ERC2: variants seen among roughly 807,000 people sequenced by gnomAD.
The protein encoded by ERC2 is ERC protein 2.
Under a neutral mutation model 114.8 loss-of-function variants are expected in ERC2, and 42 were observed. The observed-to-expected ratio is 0.37, with a 90% CI of 0.29 to 0.47. The LOEUF is 0.47. Among genes scored for constraint, ERC2 ranks in the 20% least tolerant of loss-of-function variants. ERC2 has a pLI of 0.99. For synonymous variants in ERC2, 454 were observed against 425.5 expected (o/e 1.07, Z -0.82); for missense variants, 939 against 1,150.7 (o/e 0.82, Z 2.66).
At chr3:56,002,391 AC>A (rs2072143019) in intron 10 of ERC2, among the ~76,000 whole-genome samples, 1 of 152,184 alleles carries the variant, frequency 6.6e-6, no homozygotes, top group Admixed American at 6.6e-5. Flanking sequence ...AGTTCACTGA[AC>A]AAAAAAGCTT....
At chr3:56,082,091 G>T (rs1474157039) in intron 6 of ERC2, among the ~76,000 whole-genome samples, 1 of 150,296 alleles carries the variant, frequency 6.7e-6, no homozygotes, top group Non-Finnish European at 1.5e-5. Flanking sequence ...ATATTAAAAA[G>T]ATTAGGACCC....
intron 14 of ERC2, among the ~76,000 whole-genome samples, chr3:55,762,718 A>G (rs1021566004): frequency 2.6e-5 from 4 of 152,206 alleles, no homozygotes; most frequent in African/African-American, 9.7e-5. Flanking sequence ...GGTAACCTGT[A>G]TCACAAATAC....
chr3:56,187,365 G>A (rs1256636280), intron 3 of ERC2, among the ~76,000 whole-genome samples: 1 of 152,172 alleles, frequency 6.6e-6, no homozygotes, highest in African/African-American at 2.4e-5. Context: ...ATGAGCATCT[G>A]TTACAATCTA....
intron 14 of ERC2, among the ~76,000 whole-genome samples, chr3:55,772,690 A>T (rs567738857): frequency 6.6e-6 from 1 of 152,200 alleles, no homozygotes; most frequent in East Asian, 1.9e-4. Flanking sequence ...AAGCTTTTAT[A>T]TTCATCAGCA....
At chr3:55,902,419 T>C (rs1167931064) in intron 13 of ERC2, among the ~76,000 whole-genome samples, 1 of 152,042 alleles carries the variant, frequency 6.6e-6, no homozygotes. Context: ...CTTAATTGGT[T>C]AACCTTGGGA....
intron 4 of ERC2, among the ~76,000 whole-genome samples, chr3:56,171,016 G>C (rs920757536): frequency 6.6e-6 from 1 of 151,812 alleles, no homozygotes; most frequent in African/African-American, 2.4e-5. Flanking sequence ...CGCCTGCCTC[G>C]GCCTCCCAAA....
chr3:56,209,624 G>A (rs2048940048), intron 3 of ERC2, among the ~76,000 whole-genome samples: 1 of 152,212 alleles, frequency 6.6e-6, no homozygotes, highest in South Asian at 2.1e-4. Context: ...AAGGGATTCA[G>A]AAGGAAGAGC....
intron 14 of ERC2, among the ~76,000 whole-genome samples, chr3:55,821,457 G>A (rs969508937): frequency 2.0e-5 from 3 of 152,138 alleles, no homozygotes; most frequent in African/African-American, 7.2e-5. Context: ...TTCCCTTACT[G>A]ACCAACCACC....
At chr3:56,292,530 C>T (rs928904624) in intron 3 of ERC2, among the ~76,000 whole-genome samples, 5 of 151,846 alleles carry the variant, frequency 3.3e-5, no homozygotes, top group Admixed American at 6.6e-5. Flanking sequence ...GTAGAGGTTG[C>T]AGTAAGCCGA....
intron 3 of ERC2, among the ~76,000 whole-genome samples, chr3:56,206,853 C>G (rs1290783353): frequency 6.6e-6 from 1 of 152,188 alleles, no homozygotes; most frequent in Non-Finnish European, 1.5e-5. Context: ...TTAATTTCAC[C>G]ACTTTTTAAC....
intron 17 of ERC2, among the ~76,000 whole-genome samples, chr3:55,524,500 G>GTTTTTTTT (rs34258011): frequency 1.7e-5 from 2 of 120,852 alleles, no homozygotes. Context: ...AGCTCCAGTG[G>GTTTTTTTT]TTTTTTTTTT....
chr3:55,950,583 G>A (rs369950905), intron 12 of ERC2, 23 bp from the exon 13 acceptor site: 13 of 1,613,298 alleles, frequency 8.1e-6, no homozygotes, highest in Non-Finnish European at 8.5e-7. Flanking sequence ...AGCACAGCTT[G>A]GTTAAATTCT....
intron 17 of ERC2, among the ~76,000 whole-genome samples, chr3:55,542,830 C>T (rs1310422153): frequency 2.0e-5 from 3 of 152,218 alleles, no homozygotes; most frequent in Non-Finnish European, 4.4e-5. Context: ...GTCAAAACTT[C>T]TCTAAGCCTT....
At chr3:56,363,361 C>T (rs2059029421) in intron 2 of ERC2, among the ~76,000 whole-genome samples, 1 of 152,180 alleles carries the variant, frequency 6.6e-6, no homozygotes. Flanking sequence ...ATCAAATACT[C>T]ATGCCTGCCA....
chr3:55,985,770 G>A (rs1290320359), intron 12 of ERC2, among the ~76,000 whole-genome samples: 3 of 152,134 alleles, frequency 2.0e-5, no homozygotes, highest in Non-Finnish European at 4.4e-5. Context: ...ATCCAACACT[G>A]ACTTATTTCC....
chr3:56,376,095 AT>A (rs1308231263), intron 2 of ERC2, among the ~76,000 whole-genome samples: 12 of 152,196 alleles, frequency 7.9e-5, no homozygotes, highest in African/African-American at 2.4e-4. Flanking sequence ...TGGCACATTG[AT>A]TGCAACTTGT....
At chr3:56,267,728 G>A (rs371301360) in intron 3 of ERC2, among the ~76,000 whole-genome samples, 6 of 152,128 alleles carry the variant, frequency 3.9e-5, no homozygotes, top group South Asian at 2.1e-4. Flanking sequence ...GCAGTGAGCC[G>A]AGATCTTGCC....
At chr3:56,286,030 T>C (rs1478404714) in intron 3 of ERC2, among the ~76,000 whole-genome samples, 3 of 152,086 alleles carry the variant, frequency 2.0e-5, no homozygotes, top group Non-Finnish European at 4.4e-5. Context: ...AACACACCAC[T>C]CCTAAAAGAG....
intron 13 of ERC2, among the ~76,000 whole-genome samples, chr3:55,938,544 A>G (rs2066592855): frequency 6.6e-6 from 1 of 152,228 alleles, no homozygotes; most frequent in African/African-American, 2.4e-5. Flanking sequence ...AAGTCAGGTT[A>G]AGAGAGGTGC....
Sources: allele counts gnomAD v4.1 joint callset (sites outside exome capture counted in the v4.1 genomes callset), GRCh38; gene constraint gnomAD v4.1.1; transcripts MANE v1.5; gene names NCBI Gene and HGNC (gene_info 2026-07-23, HGNC 2026-07-21).